Variants in STAG2 observed in about 807,000 individuals in gnomAD.
The protein encoded by STAG2 is STAG2 cohesin complex component.
Under a neutral mutation model 108.1 loss-of-function variants are expected in STAG2, and 14 were observed. The ratio of observed to expected loss-of-function variants is 0.13; its 90% CI spans 0.09 to 0.20. The LOEUF is 0.20. STAG2 is among the 10% of genes least tolerant of loss of function. The pLI, the probability that STAG2 is intolerant of heterozygous loss-of-function variation, is 1.00. For missense variants in STAG2, 440 were observed against 940.9 expected, an observed-to-expected ratio of 0.47 and a Z score of 6.96; for synonymous variants, 307 against 302.7, an observed-to-expected ratio of 1.01 and a Z score of -0.15.
intron 1 of STAG2, among the ~76,000 whole-genome samples, chrX:124,017,333 C>G (rs1038904342): frequency 2.7e-5 from 3 of 110,086 alleles, no homozygotes; most frequent in Non-Finnish European, 5.7e-5. Context: ...CCTCAGCCTC[C>G]CGAGTAGCTG....
chrX:124,056,357 A>G (rs2058195204), intron 14 of STAG2, 122 bp downstream of exon 14: 5 of 327,270 alleles, frequency 1.5e-5, no homozygotes, highest in Non-Finnish European at 2.5e-5. Flanking sequence ...TACAGATCAT[A>G]TCGAAGCTTT....
At chrX:124,097,825 GCTGT>G in intron 34 of STAG2, 1 of 226,411 alleles carries the variant, frequency 4.4e-6, no homozygotes, top group Non-Finnish European at 9.2e-6. Context: ...ATAATCTCAT[GCTGT>G]CTTCTACTGT....
At chrX:124,064,723 C>T (rs1180953969) in intron 20 of STAG2, among the ~76,000 whole-genome samples, 2 of 111,183 alleles carry the variant, frequency 1.8e-5, no homozygotes, top group East Asian at 2.8e-4. Context: ...GGATTACAGG[C>T]GTGAGCCACA....
At position 124,025,683 on chromosome X, in the gene STAG2, A is replaced by G. The variant is rs79769028; in HGVS notation, c.45-157A>G. The stretch of plus-strand genomic sequence containing the variant: ...TCTTGTGTGTTTGGTAACGTGCTAT[A>G]GTATGATGTTTTGGGGAAACATCTT... On this transcript the variant is annotated intron_variant, in intron 3 of 34. Transcript: ENST00000371145. Among the ~76,000 whole-genome samples the G allele has an allele frequency of 0.034, 3,772 of 111,558 alleles. 61 individuals are homozygous for G. The highest frequency in any genetic ancestry group is 0.048 in the Non-Finnish European group (2,559 of 53,012).
chrX:123,989,577 G>C (rs1397892349), intron 1 of STAG2, among the ~76,000 whole-genome samples: 2 of 107,703 alleles, frequency 1.9e-5, no homozygotes, highest in Admixed American at 2.0e-4. Flanking sequence ...AGGAAAAGTG[G>C]TATTATATAA....
intron 6 of STAG2, among the ~76,000 whole-genome samples, chrX:124,040,784 C>T (rs774518578): frequency 9.3e-6 from 1 of 107,065 alleles, no homozygotes; most frequent in Admixed American, 1.0e-4. Context: ...AAGAGAGATA[C>T]GTGATTCTAG....
intron 13 of STAG2, among the ~76,000 whole-genome samples, chrX:124,054,803 T>A (rs1215134953): frequency 8.9e-6 from 1 of 112,028 alleles, no homozygotes; most frequent in Non-Finnish European, 1.9e-5. Context: ...GGTCTTGCTT[T>A]GTCACCCAGG....
At chrX:124,003,996 C>G (rs1330384117) in intron 1 of STAG2, among the ~76,000 whole-genome samples, 4 of 111,884 alleles carry the variant, frequency 3.6e-5, no homozygotes, top group Non-Finnish European at 7.5e-5. Flanking sequence ...TGGTAAAATA[C>G]AGATAACATA....
chrX:124,077,283 A>C lies in STAG2; in HGVS notation c.2674-674A>C, dbSNP rs1299567495. On this transcript the variant is annotated intron_variant, in intron 26 of 34. Coordinates refer to ENST00000371145, the MANE Select transcript of STAG2 (RefSeq NM_001042750.2). ...TTTTTTAAACTAAGGTTGTTTATGA[A>C]GTTATTTAACAAATTTTAAAGTTTT... Among the ~76,000 whole-genome samples, 4 of 110,502 alleles carry C rather than the reference A, an allele frequency of 3.6e-5. No individual in the cohort carries two copies. The East Asian group carries it at 1.1e-3, about 31-fold the overall frequency.
intron 13 of STAG2, among the ~76,000 whole-genome samples, chrX:124,055,702 G>C (rs1192854536): frequency 9.0e-6 from 1 of 111,723 alleles, no homozygotes; most frequent in Non-Finnish European, 1.9e-5. Context: ...ATTTTTGATT[G>C]ATGTGATATA....
chrX:124,072,952 C>T (rs1220684450), intron 25 of STAG2, among the ~76,000 whole-genome samples: 4 of 92,983 alleles, frequency 4.3e-5, no homozygotes, highest in Admixed American at 2.6e-4. Flanking sequence ...ACCATGTTGG[C>T]CAGGCTGGTC....
chrX:124,036,480 G>T (rs1180533713), intron 5 of STAG2, among the ~76,000 whole-genome samples: 1 of 111,584 alleles, frequency 9.0e-6, no homozygotes, highest in Non-Finnish European at 1.9e-5. Context: ...CATCTCCCGG[G>T]TTCAAGTGAT....
chrX:124,013,007 A>G (rs1450854804), intron 1 of STAG2, among the ~76,000 whole-genome samples: 1 of 111,623 alleles, frequency 9.0e-6, no homozygotes, highest in Non-Finnish European at 1.9e-5. Context: ...CTACTCTTCT[A>G]TGAAATCTGC....
At chrX:124,043,786 C>T (rs911754824) in intron 7 of STAG2, among the ~76,000 whole-genome samples, 5 of 111,320 alleles carry the variant, frequency 4.5e-5, no homozygotes, top group African/African-American at 1.6e-4. Flanking sequence ...TTGTCCCCCC[C>T]TTACCTCCCT....
At chrX:124,042,463 CT>C (rs893661763) in intron 6 of STAG2, 105 bp from the exon 7 acceptor site, 6 of 517,697 alleles carry the variant, frequency 1.2e-5, no homozygotes, top group African/African-American at 9.5e-5. Flanking sequence ...AGAAGTATGC[CT>C]TTTATTGTGT....
At chrX:123,976,581 A>G (rs780167319) in intron 1 of STAG2, among the ~76,000 whole-genome samples, 12 of 111,692 alleles carry the variant, frequency 1.1e-4, no homozygotes, top group Admixed American at 9.5e-4. Context: ...ATTCATATTT[A>G]AAAGCTGCAT....
chrX:124,098,497 A>G (rs1401799762), intron 34 of STAG2, among the ~76,000 whole-genome samples: 6 of 111,523 alleles, frequency 5.4e-5, no homozygotes, highest in East Asian at 5.6e-4. Context: ...CCTTTATACA[A>G]TACCCCACAT....
intron 1 of STAG2, among the ~76,000 whole-genome samples, chrX:123,999,377 T>C (rs2055914168): frequency 9.0e-6 from 1 of 111,106 alleles, no homozygotes; most frequent in Non-Finnish European, 1.9e-5. Flanking sequence ...TCATATCTGG[T>C]TTATCCAAAC....
chrX:124,066,367 C>A lies in STAG2; in HGVS notation c.2196C>A (p.His732Gln). 1 of 1,202,912 alleles carries A rather than the reference C, an allele frequency of 8.3e-7. No individual in the cohort carries two copies. The highest frequency in any genetic ancestry group is 1.1e-6 in the Non-Finnish European group (1 of 889,268). ...GATTCTTTTTACAGATTGTTATTCA[C>A]GCACTGCAGTGTACTCACTATGTAA... ...NGDMPEQIVI[H>Q]ALQCTHYVIL... The change falls in exon 23 of 35, where the codon CAC becomes CAA. Residue 732 changes from histidine (H) to glutamine (Q), a missense_variant. Transcript: ENST00000371145.
Sources: allele counts gnomAD v4.1 joint callset (sites outside exome capture counted in the v4.1 genomes callset), GRCh38; gene constraint gnomAD v4.1.1; transcripts MANE v1.5; gene names NCBI Gene and HGNC (gene_info 2026-07-23, HGNC 2026-07-21).